Variants in UGGT1 observed in about 807,000 individuals in gnomAD.
UGGT1 encodes the protein UDP-glucose:glycoprotein glucosyltransferase 1.
A neutral mutation model predicts 203.9 loss-of-function variants in UGGT1; 107 were observed. That is an observed-to-expected ratio of 0.52 (90% CI 0.45 to 0.62). The LOEUF (loss-of-function observed/expected upper bound fraction) is 0.62. Among genes scored for constraint, UGGT1 ranks in the 20% least tolerant of loss-of-function variants. The probability of loss-of-function intolerance (pLI) is 0.00; values close to 1 mark genes in which losing one functional copy is unlikely to be tolerated. For synonymous variants in UGGT1, 628 were observed against 653.5 expected (o/e 0.96, Z 0.59); for missense variants, 1,673 against 1,867.2 (o/e 0.90, Z 1.92).
chr2:128,178,161 A>G (rs1302604924), intron 33 of UGGT1, among the ~76,000 whole-genome samples: 1 of 152,172 alleles, frequency 6.6e-6, no homozygotes, highest in East Asian at 1.9e-4. Flanking sequence ...CATTGCCTGT[A>G]CCTGCTCTTT....
At chr2:128,113,567 A>G (rs888858527) in intron 6 of UGGT1, among the ~76,000 whole-genome samples, 1 of 152,180 alleles carries the variant, frequency 6.6e-6, no homozygotes, top group African/African-American at 2.4e-5. Flanking sequence ...TGTTGAATTC[A>G]GTTTCCTTTC....
Position 128,138,841 on chromosome 2 carries a change from A to G in UGGT1, c.1708A>G (p.Thr570Ala). ...AGTGGATGATTATCATGCCTTCCAG[A>G]CTCTGACACATGTACGTTTTTGTTC... The part of the protein sequence containing the change: ...QEVDDYHAFQ[T>A]LTHIYNKVRT... The change falls in exon 16 of 41, where the codon ACT becomes GCT. Residue 570 changes from threonine to alanine, a missense_variant. Physicochemically the swap from Thr to Ala is moderately conservative, Grantham distance 58 (BLOSUM62 0). Transcript: ENST00000259253. The G allele has an allele frequency of 6.2e-7, 1 of 1,612,396 alleles. No individual in the cohort carries two copies. The highest frequency in any genetic ancestry group is 8.5e-7 in the Non-Finnish European group (1 of 1,179,646).
At chr2:128,153,517 G>C (rs962998249) in intron 19 of UGGT1, among the ~76,000 whole-genome samples, 1 of 152,034 alleles carries the variant, frequency 6.6e-6, no homozygotes, top group African/African-American at 2.4e-5. Flanking sequence ...GTCACTCTCT[G>C]TTCCTCCCTT....
At chr2:128,127,307 A>T (rs1357921444) in intron 11 of UGGT1, 54 bp from the exon 12 acceptor site, 10 of 1,326,796 alleles carry the variant, frequency 7.5e-6, no homozygotes, top group East Asian at 2.4e-5. Context: ...AAACAATAAA[A>T]TTTTTTTTAA....
chr2:128,139,421 TATTTATTC>T (rs1388378725), intron 16 of UGGT1, among the ~76,000 whole-genome samples: 1 of 152,156 alleles, frequency 6.6e-6, no homozygotes, highest in Non-Finnish European at 1.5e-5. Flanking sequence ...TTTATTTATT[TATTTATTC>T]ATTTATTTTT....
intron 4 of UGGT1, among the ~76,000 whole-genome samples, chr2:128,108,575 ACAGT>A (rs10608864): frequency 0.58 from 87,459 of 151,654 alleles, 25,391 homozygotes; most frequent in East Asian, 0.66. Context: ...TTAAGAAGAG[ACAGT>A]CAAAGATGTC....
rs147235487 is a variant in UGGT1 at position 128,158,007 on chromosome 2, TAAAG to T, written c.2355+665_2355+668del. On this transcript the variant is annotated intron_variant, in intron 22 of 40. Coordinates refer to ENST00000259253, the MANE Select transcript of UGGT1 (RefSeq NM_020120.4). ...CTGTACCTGGGAAGGTTTACTGAAA[TAAAG>T]AAATATCCAGGTGGTTTCAGTTTTA... 9.1e-3 allele frequency among the ~76,000 whole-genome samples: 1,384 copies of T among 152,230 alleles called. 25 individuals are homozygous for T. Among genetic ancestry groups the T allele is most frequent in the African/African-American group, 0.03 (1,261 of 41,516 alleles).
At chr2:128,160,327 CTTAATG>C in intron 23 of UGGT1, 127 bp from the exon 24 acceptor site, 2 of 929,926 alleles carry the variant, frequency 2.2e-6, no homozygotes, top group South Asian at 2.0e-5. Flanking sequence ...ATTGACACAT[CTTAATG>C]TTAATTATGA....
intron 2 of UGGT1, among the ~76,000 whole-genome samples, chr2:128,102,145 A>ATT (rs147199229): frequency 8.9e-5 from 13 of 146,638 alleles, no homozygotes; most frequent in South Asian, 2.2e-4. Context: ...TAAAATCATA[A>ATT]TTTTTTTTTT....
chr2:128,142,995 A>G (rs1237026237), intron 16 of UGGT1, 99 bp from the exon 17 acceptor site: 1 of 1,280,668 alleles, frequency 7.8e-7, no homozygotes, highest in Non-Finnish European at 1.0e-6. Context: ...AAAAAAGAAA[A>G]ATAAGTATAT....
intron 26 of UGGT1, 31 bp from the exon 27 acceptor site, chr2:128,170,257 A>C: frequency 6.3e-7 from 1 of 1,599,584 alleles, no homozygotes; most frequent in Non-Finnish European, 8.6e-7. Flanking sequence ...TGTGTCCTCC[A>C]GGTTAATGTT....
Position 128,195,274 on chromosome 2 carries a change from T to C in UGGT1, c.*5532T>C, listed in dbSNP as rs527334737. ...TGTATTGTATGCCTTGCCTTACTTG[T>C]CACCATTGAGATTTCCAGAGAAATG... On this transcript the variant is annotated 3_prime_UTR_variant, in exon 41 of 41. Coordinates refer to ENST00000259253, the MANE Select transcript of UGGT1 (RefSeq NM_020120.4). The C allele has an allele frequency of 6.6e-6, 1 of 152,200 alleles. No individual in the cohort carries two copies. Among genetic ancestry groups the C allele is most frequent in the Non-Finnish European group, 1.5e-5 (1 of 68,032 alleles). 9.4% of individuals were successfully genotyped at this position (152,200 alleles called of 1,614,324 possible).
At chr2:128,136,461 G>A (rs989710000) in intron 15 of UGGT1, among the ~76,000 whole-genome samples, 2 of 151,884 alleles carry the variant, frequency 1.3e-5, no homozygotes, top group Admixed American at 6.6e-5. Flanking sequence ...GCAGTCATAC[G>A]GCGTGTGCCT....
chr2:128,116,472 G>T, intron 8 of UGGT1, 129 bp downstream of exon 8: 1 of 599,122 alleles, frequency 1.7e-6, no homozygotes, highest in Non-Finnish European at 3.0e-6. Flanking sequence ...CTTTATGTAT[G>T]CAATCCTACG....
intron 2 of UGGT1, among the ~76,000 whole-genome samples, chr2:128,099,690 G>A (rs1223199309): frequency 5.9e-5 from 9 of 152,148 alleles, no homozygotes; most frequent in Admixed American, 2.0e-4. Context: ...TCTCAGCATA[G>A]AAGTGGCAAA....
chr2:128,092,973 C>T (rs1213206334), intron 1 of UGGT1, among the ~76,000 whole-genome samples: 1 of 152,126 alleles, frequency 6.6e-6, no homozygotes, highest in East Asian at 1.9e-4. Flanking sequence ...ATTTAAGAAC[C>T]CCTAGGGTCA....
chr2:128,111,786 C>T lies in UGGT1; in HGVS notation c.522-1298C>T, dbSNP rs541007816. 1.4e-4 allele frequency among the ~76,000 whole-genome samples: 21 copies of T among 151,866 alleles called. No individual in the cohort carries two copies. The South Asian group carries it at 2.1e-3, about 15-fold the overall frequency. ...CTGGGATTACAGGCGTGAGCCACCA[C>T]GACCGGCCTATACTTATATTTTTAA... On this transcript the variant is annotated intron_variant, in intron 5 of 40. Coordinates refer to ENST00000259253, the MANE Select transcript of UGGT1 (RefSeq NM_020120.4).
intron 25 of UGGT1, among the ~76,000 whole-genome samples, chr2:128,163,919 C>T (rs1573601192): frequency 1.3e-5 from 2 of 152,140 alleles, no homozygotes; most frequent in African/African-American, 4.8e-5. Flanking sequence ...TGGCTCACAC[C>T]TGTAATCCCA....
chr2:128,184,361 T>C (rs2104830325), intron 38 of UGGT1, among the ~76,000 whole-genome samples: 1 of 152,324 alleles, frequency 6.6e-6, no homozygotes, highest in Non-Finnish European at 1.5e-5. Context: ...ACTTAAATGT[T>C]TTTAAACCTT....
Sources: allele counts gnomAD v4.1 joint callset (sites outside exome capture counted in the v4.1 genomes callset), GRCh38; gene constraint gnomAD v4.1.1; transcripts MANE v1.5; gene names NCBI Gene and HGNC (gene_info 2026-07-23, HGNC 2026-07-21).